Variants in MYSM1 observed in about 807,000 individuals in gnomAD.
The protein encoded by MYSM1 is Myb like, SWIRM and MPN domains 1, also known as deubiquitinase MYSM1.
In MYSM1, 51 loss-of-function variants were observed where a neutral mutation model predicts 116.0. The ratio of observed to expected loss-of-function variants is 0.44; its 90% CI spans 0.35 to 0.56. MYSM1 has a LOEUF of 0.56. Ranked by LOEUF, MYSM1 falls within the 20% of genes least tolerant of loss-of-function variation. The pLI, the probability that MYSM1 is intolerant of heterozygous loss-of-function variation, is 0.00. For synonymous variants in MYSM1, 313 were observed against 315.2 expected (o/e 0.99, Z 0.07); for missense variants, 900 against 974.9 (o/e 0.92, Z 1.02).
In MYSM1 at chr1:58,657,251, A is replaced by AG. The variant is rs397727177; in HGVS notation, c.*2745_*2746insC. 3 of 151,560 alleles carry AG rather than the reference A, an allele frequency of 2.0e-5. No individual in the cohort carries two copies. In the East Asian group the frequency reaches 5.8e-4, roughly 29 times the overall value. The allele number at this position is 151,560 out of a possible 1,614,324, so 9.4% of individuals were successfully genotyped here. ...TTAGCCAAGCCAGAAAAAAAAAAAA[A>AG]TTAGGTCATTATTTTATAGTCATTG... On this transcript the variant is annotated 3_prime_UTR_variant, in exon 20 of 20. Transcript: ENST00000472487.
Position 58,692,804 on chromosome 1 carries a change from T to A in MYSM1, c.218+57A>T, listed in dbSNP as rs1053660004. ...ACAGTGGCCTCTTGTAAATTTTGCA[T>A]TTATAGATTTTTTTCACCCTGAAAC... On this transcript the variant is annotated intron_variant, in intron 3 of 19. Transcript: ENST00000472487. 21 of 1,391,718 alleles carry A rather than the reference T, an allele frequency of 1.5e-5. No individual in the cohort carries two copies. The Admixed American group carries it at 4.5e-4, about 30-fold the overall frequency. 86.2% of individuals were successfully genotyped at this position (1,391,718 alleles called of 1,614,324 possible). A position where few individuals can be genotyped will look rare whatever the true frequency, so the allele number is the denominator to read the frequency against.
intron 3 of MYSM1, among the ~76,000 whole-genome samples, chr1:58,690,841 G>T (rs1341900941): frequency 6.6e-6 from 1 of 152,088 alleles, no homozygotes; most frequent in Admixed American, 6.6e-5. Context: ...GGTAAACTTG[G>T]TTGGTTGTCC....
In MYSM1 at chr1:58,681,828, G is replaced by A. The variant is rs368632924; in HGVS notation, c.1216C>T (p.Pro406Ser). Residue 406 changes from proline to serine, a missense_variant, in exon 8 of 20, where the codon CCA (proline) becomes TCA (serine). Pro to Ser is a moderately conservative substitution (Grantham distance 74). Around this residue, in one of 3 missense-constraint regions of MYSM1, gnomAD observed 622 missense variants for 623.7 expected, o/e 1.00. Transcript: ENST00000472487. ...EFFEGRQAKT[P>S]ERYLKIRNYI... The stretch of plus-strand genomic sequence containing the variant: ...TTTCTAATTTTCAAATAGCGTTCTG[G>A]TGTTTTAGCTTGGCGCCCCTCAAAA... 1.9e-6 allele frequency: 3 copies of A among 1,603,958 alleles called. No homozygotes were observed. Among genetic ancestry groups the A allele is most frequent in the Admixed American group, 1.8e-5 (1 of 56,994 alleles).
chr1:58,698,989 C>T (rs570274936), intron 1 of MYSM1, among the ~76,000 whole-genome samples: 4 of 152,136 alleles, frequency 2.6e-5, no homozygotes, highest in Admixed American at 2.0e-4. Context: ...CTTTATAGAA[C>T]AAAAATGGTC....
In MYSM1 at chr1:58,660,069, G is replaced by A. The variant is rs1413222953; in HGVS notation, c.2415C>T (p.Phe805=). The change falls in exon 20 of 20, where the codon TTC becomes TTT. Residue 805 remains phenylalanine, a synonymous_variant. Transcript: ENST00000472487. ...CTTGGTTGCTTTTATAATTGGAAAG[G>A]AACAAATTTTCTATTTCAGTCAAGA... ...EEFLTEIENL[F]LSNYKSNQEN... is the part of the protein sequence containing the mutation. 1.2e-6 allele frequency: 2 copies of A among 1,610,154 alleles called. No homozygotes were observed. Among genetic ancestry groups the A allele is most frequent in the East Asian group, 2.2e-5 (1 of 44,742 alleles).
Position 58,690,219 on chromosome 1 carries a change from T to C in MYSM1, c.320+7A>G, listed in dbSNP as rs1404693743. On this transcript the variant is annotated splice_region_variant and intron_variant, in intron 5 of 19. Transcript: ENST00000472487. ...CAGATTTATAAATATAAAATATAAGTACATACATGATTTTTGCTGTTTTCT... is the reference window on the plus strand; with the variant it reads ...CAGATTTATAAATATAAAATATAAGCACATACATGATTTTTGCTGTTTTCT... 6.5e-7 allele frequency: 1 copy of C among 1,538,840 alleles called. No individual in the cohort carries two copies. Among genetic ancestry groups the C allele is most frequent in the Non-Finnish European group, 8.8e-7 (1 of 1,141,644 alleles).
chr1:58,669,105 T>G lies in MYSM1; in HGVS notation c.1662-67A>C, dbSNP rs902280842. 32 of 1,215,480 alleles carry G rather than the reference T, an allele frequency of 2.6e-5. No homozygotes were observed. The African/African-American group carries it at 3.4e-4, about 13-fold the overall frequency. 75.3% of individuals were successfully genotyped at this position (1,215,480 alleles called of 1,614,324 possible). A position where few individuals can be genotyped will look rare whatever the true frequency, so the allele number is the denominator to read the frequency against. ...TAGGAAAATAACATTTATTTGTAAA[T>G]CTGAAAGTGTATATCAATAATCTAA... is the stretch of plus-strand genomic sequence containing the variant. On this transcript the variant is annotated intron_variant, in intron 12 of 19. Transcript: ENST00000472487.
At chr1:58,660,600 C>G (rs1644376863) in intron 19 of MYSM1, among the ~76,000 whole-genome samples, 1 of 151,916 alleles carries the variant, frequency 6.6e-6, no homozygotes, top group African/African-American at 2.4e-5. Flanking sequence ...CAACAACACA[C>G]AAAAAACTGG....
chr1:58,681,871 T>C lies in MYSM1; in HGVS notation c.1173A>G (p.Lys391=). The C allele has an allele frequency of 2.5e-6, 4 of 1,613,584 alleles. No individual in the cohort carries two copies. The highest frequency in any genetic ancestry group is 2.5e-6 in the Non-Finnish European group (3 of 1,179,892). Residue 391 remains lysine, a synonymous_variant, in exon 8 of 20, where the codon AAA becomes AAG. Transcript: ENST00000472487. ...IDRNIIQEEE[K]QAIPEFFEGR... ...CCTCAAAAAACTCAGGAATTGCTTG[T>C]TTTTCTTCTTCTTGAATGATATTTC...
rs547029316 is a variant in MYSM1, at chr1:58,679,224, T to C, written c.1260-2168A>G. Among the ~76,000 whole-genome samples, 8 of 152,330 alleles carry C rather than the reference T, an allele frequency of 5.3e-5. No homozygotes were observed. The East Asian group carries it at 1.5e-3, about 29-fold the overall frequency. ...TGCCTAACCACTCACTCTCTTCTAT[T>C]TCTGAACAAATGTGAGTTCCTGTTC... On this transcript the variant is annotated intron_variant, in intron 8 of 19. Coordinates refer to ENST00000472487, the MANE Select transcript of MYSM1 (RefSeq NM_001085487.3).
Position 58,690,093 on chromosome 1 carries a change from TA to T in MYSM1, c.320+132del, listed in dbSNP as rs897033568. On this transcript the variant is annotated intron_variant, in intron 5 of 19. Coordinates refer to ENST00000472487, the MANE Select transcript of MYSM1 (RefSeq NM_001085487.3). ...ACTTGTGCCACTCCAACATCTTTAT[TA>T]AAAAAACTGTTTTTATATCTACTTT... 7.1e-6 allele frequency: 5 copies of T among 704,894 alleles called. No homozygotes were observed. The African/African-American group carries it at 7.6e-5, about 11-fold the overall frequency. 43.7% of individuals were successfully genotyped at this position (704,894 alleles called of 1,614,324 possible).
intron 12 of MYSM1, 62 bp from the exon 13 acceptor site, chr1:58,669,100 G>A (rs1309911524): frequency 3.2e-6 from 4 of 1,255,642 alleles, no homozygotes; most frequent in Admixed American, 5.1e-5. Context: ...ACATTTATTT[G>A]TAAATCTGAA....
intron 1 of MYSM1, among the ~76,000 whole-genome samples, chr1:58,697,622 T>C (rs1644995001): frequency 6.6e-6 from 1 of 151,068 alleles, no homozygotes; most frequent in Admixed American, 6.6e-5. Context: ...GGCGTTTTGC[T>C]CTTGTTGCCC....
At chr1:58,690,169 T>G in intron 5 of MYSM1, 57 bp downstream of exon 5, 1 of 1,357,048 alleles carries the variant, frequency 7.4e-7, no homozygotes. Context: ...AAAAAAATTA[T>G]TCCATAATTT....
chr1:58,695,492 C>A (rs1163482206), intron 1 of MYSM1, among the ~76,000 whole-genome samples: 1 of 152,108 alleles, frequency 6.6e-6, no homozygotes, highest in African/African-American at 2.4e-5. Flanking sequence ...GAAAACAATA[C>A]CCCAAAGCAG....
intron 19 of MYSM1, 116 bp from the exon 20 acceptor site, chr1:58,660,271 A>G: frequency 1.8e-6 from 1 of 565,178 alleles, no homozygotes; most frequent in Middle Eastern, 5.0e-4. Flanking sequence ...AATGAGAAAC[A>G]CTCTCCTTAA....
At chr1:58,690,842 T>G (rs936171841) in intron 3 of MYSM1, among the ~76,000 whole-genome samples, 25 of 152,200 alleles carry the variant, frequency 1.6e-4, no homozygotes, top group Admixed American at 3.9e-4. Flanking sequence ...GTAAACTTGG[T>G]TGGTTGTCCA....
chr1:58,688,164 C>G (rs907293060), intron 6 of MYSM1, among the ~76,000 whole-genome samples: 24 of 151,638 alleles, frequency 1.6e-4, no homozygotes, highest in African/African-American at 5.6e-4. Flanking sequence ...ACCTCAAGAT[C>G]ATTTATATAT....
intron 7 of MYSM1, among the ~76,000 whole-genome samples, chr1:58,683,824 C>T (rs1190185286): frequency 6.6e-6 from 1 of 152,008 alleles, no homozygotes; most frequent in Non-Finnish European, 1.5e-5. Context: ...AACATCCCTG[C>T]TATTTATTTT....
Sources: allele counts gnomAD v4.1 joint callset (sites outside exome capture counted in the v4.1 genomes callset), GRCh38; gene constraint gnomAD v4.1.1; regional missense constraint gnomAD v4.1.1; transcripts MANE v1.5; gene names NCBI Gene and HGNC (gene_info 2026-07-23, HGNC 2026-07-21).